The following NOVA2 variants were observed in gnomAD, a reference collection of about 807,000 sequenced individuals.
NOVA2 encodes NOVA alternative splicing regulator 2.
NOVA2 carries 9 observed loss-of-function variants against 22.5 expected under a neutral mutation model. The observed-to-expected ratio is 0.40, with a 90% CI of 0.24 to 0.70. The LOEUF (loss-of-function observed/expected upper bound fraction) is 0.70. Ranked by LOEUF, NOVA2 falls within the 30% of genes least tolerant of loss-of-function variation. NOVA2 has a pLI of 0.38. For synonymous variants in NOVA2, 318 were observed against 335.2 expected, an observed-to-expected ratio of 0.95 and a Z score of 0.56; for missense variants, 383 against 682.8, an observed-to-expected ratio of 0.56 and a Z score of 4.89.
chr19:45,964,169 T>G (rs1458878919), intron 1 of NOVA2, among the ~76,000 whole-genome samples: 1 of 131,456 alleles, frequency 7.6e-6, no homozygotes, highest in Non-Finnish European at 1.5e-5. Flanking sequence ...CTTTTTTTCT[T>G]TTTCTTTTTC....
intron 3 of NOVA2, among the ~76,000 whole-genome samples, chr19:45,951,157 TG>T (rs1967919030): frequency 6.6e-6 from 1 of 152,226 alleles, no homozygotes; most frequent in Admixed American, 6.5e-5. Flanking sequence ...CAGCCATACA[TG>T]TTTTTTTGAC....
chr19:45,946,627 G>A lies in NOVA2; in HGVS notation c.397-5682C>T, dbSNP rs545618014. Among the ~76,000 whole-genome samples, 129 of 151,996 alleles carry A rather than the reference G, an allele frequency of 8.5e-4. 1 individual carries two copies. Among genetic ancestry groups the A allele is most frequent in the African/African-American group, 1.5e-3 (64 of 41,502 alleles). On this transcript the variant is annotated intron_variant, in intron 3 of 3. Transcript: ENST00000263257. ...GGTGGCTCACGCCTGTAATCCCAGC[G>A]CTTTGGGAGGCCAAGGCGGGCGGAT...
intron 3 of NOVA2, among the ~76,000 whole-genome samples, chr19:45,943,361 A>G (rs938269973): frequency 6.6e-6 from 1 of 151,170 alleles, no homozygotes; most frequent in African/African-American, 2.4e-5. Flanking sequence ...CAGACACTAT[A>G]TGACTACTTT....
chr19:45,972,634 C>A (rs1404579071), intron 1 of NOVA2, among the ~76,000 whole-genome samples: 1 of 152,062 alleles, frequency 6.6e-6, no homozygotes, highest in African/African-American at 2.4e-5. Context: ...ATTCCTGATC[C>A]CTAATGTCAC....
At chr19:45,943,686 T>G (rs1172810227) in intron 3 of NOVA2, among the ~76,000 whole-genome samples, 1 of 150,600 alleles carries the variant, frequency 6.6e-6, no homozygotes, top group Non-Finnish European at 1.5e-5. Context: ...CCACTGCACT[T>G]CAACCTGGGC....
At chr19:45,969,253 C>A (rs1349931014) in intron 1 of NOVA2, among the ~76,000 whole-genome samples, 1 of 151,912 alleles carries the variant, frequency 6.6e-6, no homozygotes, top group Admixed American at 6.6e-5. Context: ...ACCTGTAATC[C>A]CAGCACCTTG....
intron 2 of NOVA2, among the ~76,000 whole-genome samples, chr19:45,958,511 ATG>A (rs1273281009): frequency 6.9e-6 from 1 of 144,374 alleles, no homozygotes; most frequent in Admixed American, 6.8e-5. Flanking sequence ...GTGTGTAAGC[ATG>A]TGTGACAATG....
At chr19:45,944,674 G>C (rs1967811516) in intron 3 of NOVA2, among the ~76,000 whole-genome samples, 1 of 152,162 alleles carries the variant, frequency 6.6e-6, no homozygotes, top group Non-Finnish European at 1.5e-5. Flanking sequence ...TATGCTAAGT[G>C]AAAGAAGCCA....
intron 1 of NOVA2, among the ~76,000 whole-genome samples, chr19:45,972,371 T>C (rs976250911): frequency 2.0e-5 from 3 of 151,720 alleles, no homozygotes; most frequent in Admixed American, 1.3e-4. Context: ...CACGCCTGTG[T>C]CACACACACT....
At chr19:45,958,537 GTGAC>G (rs1366733762) in intron 2 of NOVA2, among the ~76,000 whole-genome samples, 3 of 150,836 alleles carry the variant, frequency 2.0e-5, no homozygotes, top group African/African-American at 7.3e-5. Context: ...GACAGTGTGT[GTGAC>G]TGTGTGTAAG....
chr19:45,946,444 T>C (rs1002843292), intron 3 of NOVA2, among the ~76,000 whole-genome samples: 1 of 152,262 alleles, frequency 6.6e-6, no homozygotes, highest in Admixed American at 6.5e-5. Flanking sequence ...AATTTGAATA[T>C]GGACTTTCCA....
At chr19:45,950,164 CTTT>C (rs61551112) in intron 3 of NOVA2, among the ~76,000 whole-genome samples, 12 of 132,690 alleles carry the variant, frequency 9.0e-5, no homozygotes, top group African/African-American at 1.6e-4. Context: ...TGGAAACATT[CTTT>C]TTTTTTTTTT....
chr19:45,958,465 T>TG (rs1686890173), intron 2 of NOVA2, among the ~76,000 whole-genome samples: 2 of 149,236 alleles, frequency 1.3e-5, no homozygotes, highest in Non-Finnish European at 3.0e-5. Context: ...TGTGTAAGCG[T>TG]GTGTGTGAGT....
Position 45,961,043 on chromosome 19 carries a change from T to C in NOVA2, c.196A>G (p.Ile66Val), listed in dbSNP as rs1160743795. ...VQLQKETGAT[I>V]KLSKSKDFYP... Reference sequence around the variant, plus strand: ...AAGTCTTTGGACTTGGAGAGCTTGATGGTGGCTCCGGTCTCCTTCTGCAGC... The same window carrying C: ...AAGTCTTTGGACTTGGAGAGCTTGACGGTGGCTCCGGTCTCCTTCTGCAGC... Residue 66 changes from isoleucine to valine, a missense_variant, in exon 2 of 4, where the codon ATC (isoleucine) becomes GTC (valine). Ile to Val is a conservative substitution (Grantham distance 29, BLOSUM62 3). Around this residue, in one of 2 missense-constraint regions of NOVA2, gnomAD observed 349 missense variants for 578.1 expected, o/e 0.60. Coordinates refer to ENST00000263257, the MANE Select transcript of NOVA2 (RefSeq NM_002516.4). 1.3e-6 allele frequency: 2 copies of C among 1,578,040 alleles called. No individual in the cohort carries two copies. Among genetic ancestry groups the C allele is most frequent in the Non-Finnish European group, 1.7e-6 (2 of 1,161,498 alleles).
At chr19:45,973,228 CT>C in intron 1 of NOVA2, 38 bp downstream of exon 1, 1 of 1,324,714 alleles carries the variant, frequency 7.5e-7, no homozygotes, top group African/African-American at 1.5e-5. Context: ...GCGAGGCCCC[CT>C]GCCCGCTCCC....
chr19:45,953,431 AG>A (rs1239391063), intron 3 of NOVA2, among the ~76,000 whole-genome samples: 1 of 152,182 alleles, frequency 6.6e-6, no homozygotes, highest in Non-Finnish European at 1.5e-5. Context: ...CGGTGATAGC[AG>A]GAAGTGGGAG....
chr19:45,960,967 G>A (rs35514609), intron 2 of NOVA2, 43 bp downstream of exon 2: 294,675 of 1,540,370 alleles, frequency 0.19, 29,436 homozygotes, highest in Admixed American at 0.29. Flanking sequence ...AGAAAGGGAG[G>A]AAGGGCGGGG....
At chr19:45,943,054 T>A (rs1346743690) in intron 3 of NOVA2, among the ~76,000 whole-genome samples, 3 of 236 alleles carry the variant, frequency 0.013, no homozygotes, top group Admixed American at 0.1. Flanking sequence ...ATATGTCTAC[T>A]TTTTTTTTTT....
chr19:45,964,561 ATC>A (rs141748431), intron 1 of NOVA2, among the ~76,000 whole-genome samples: 1 of 137,002 alleles, frequency 7.3e-6, no homozygotes, highest in South Asian at 2.4e-4. Context: ...ACACTCTCTG[ATC>A]TCTCTCTCTC....
Sources: gnomAD v4.1 joint callset for allele counts (sites outside exome capture counted in the v4.1 genomes callset) on GRCh38, gnomAD v4.1.1 for gene constraint, gnomAD v4.1.1 regional missense constraint, MANE v1.5 for transcripts, NCBI Gene and HGNC (gene_info 2026-07-23, HGNC 2026-07-21) for gene names.